Variants in CAMK2G observed in about 807,000 individuals in gnomAD.
CAMK2G encodes calcium/calmodulin-dependent protein kinase type II subunit gamma.
Under a neutral mutation model 88.7 loss-of-function variants are expected in CAMK2G, and 23 were observed. The ratio of observed to expected loss-of-function variants is 0.26; its 90% CI spans 0.19 to 0.37. The LOEUF (loss-of-function observed/expected upper bound fraction) is 0.37. Ranked by LOEUF, CAMK2G falls within the 10% of genes least tolerant of loss-of-function variation. The pLI, the probability that CAMK2G is intolerant of heterozygous loss-of-function variation, is 1.00. For missense variants in CAMK2G, 476 were observed against 780.8 expected (o/e 0.61, Z 4.65); for synonymous variants, 263 against 294.8 (o/e 0.89, Z 1.11).
At chr10:73,836,330 C>T (rs1249166735) in intron 14 of CAMK2G, among the ~76,000 whole-genome samples, 1 of 152,178 alleles carries the variant, frequency 6.6e-6, no homozygotes, top group African/African-American at 2.4e-5. Context: ...GCCACACCCC[C>T]TCTTACACCT....
At position 73,847,979 on chromosome 10, in the gene CAMK2G, G is replaced by A; in HGVS notation, c.696+9C>T. The A allele has an allele frequency of 6.4e-7, 1 of 1,570,610 alleles. No homozygotes were observed. The highest frequency in any genetic ancestry group is 8.8e-7 in the Non-Finnish European group (1 of 1,140,908). On this transcript the variant is annotated intron_variant, in intron 9 of 22. Coordinates refer to ENST00000423381, the MANE Select transcript of CAMK2G (RefSeq NM_001367534.1). ...TCCTGGCCTGGCTGCCCGGCTCTCTGGTCCTTACATCATAGGCTCCAGCCT... is the reference window on the plus strand; with the variant it reads ...TCCTGGCCTGGCTGCCCGGCTCTCTAGTCCTTACATCATAGGCTCCAGCCT...
chr10:73,855,904 C>T (rs1045343565), intron 3 of CAMK2G, among the ~76,000 whole-genome samples: 9 of 152,002 alleles, frequency 5.9e-5, no homozygotes, highest in African/African-American at 1.9e-4. Context: ...ATGACTGTGC[C>T]ATTCTAAGTG....
chr10:73,817,121 C>T lies in CAMK2G; in HGVS notation c.1440-4G>A, dbSNP rs773765521. 1 of 1,587,462 alleles carries T rather than the reference C, an allele frequency of 6.3e-7. No individual in the cohort carries two copies. The highest frequency in any genetic ancestry group is 8.5e-7 in the Non-Finnish European group (1 of 1,171,506). The stretch of plus-strand genomic sequence containing the variant: ...GAGGCCTGGATCACAAATCTTCCTA[C>T]AGGGAGAAAAAAAAAAGCAGCCTAT... On this transcript the variant is annotated splice_region_variant and splice_polypyrimidine_tract_variant and intron_variant, in intron 20 of 22. Transcript: ENST00000423381.
Position 73,852,267 on chromosome 10 carries a change from C to T in CAMK2G, c.328G>A (p.Glu110Lys). Residue 110 changes from glutamate (E) to lysine (K), a missense_variant, in exon 5 of 23, where the codon GAA (glutamate) becomes AAA (lysine). Coordinates refer to ENST00000423381, the MANE Select transcript of CAMK2G (RefSeq NM_001367534.1). ...EDIVAREYYSEADASHCIHQI... is the reference protein window; with the variant it reads ...EDIVAREYYSKADASHCIHQI... ...CCCTCATCCTACCTGGCATCTGCTT[C>T]ACTGTAGTACTCTCTGGCCACAATG... 6.2e-7 allele frequency: 1 copy of T among 1,613,926 alleles called. No homozygotes were observed. The highest frequency in any genetic ancestry group is 8.5e-7 in the Non-Finnish European group (1 of 1,179,822).
At position 73,848,871 on chromosome 10, in the gene CAMK2G, T is replaced by C. The variant is rs533387856; in HGVS notation, c.517+142A>G. 31 of 714,712 alleles carry C rather than the reference T, an allele frequency of 4.3e-5. No individual in the cohort carries two copies. In the South Asian group the frequency reaches 4.5e-4, roughly 10 times the overall value. 44.3% of individuals were successfully genotyped at this position (714,712 alleles called of 1,614,324 possible). On this transcript the variant is annotated intron_variant, in intron 7 of 22. Coordinates refer to ENST00000423381, the MANE Select transcript of CAMK2G (RefSeq NM_001367534.1). The surrounding 1 kb of genome is among the most constrained non-coding windows in gnomAD (Gnocchi z 4.5). ...CAGTGCTGACAACAGCTAGACTTACTGTACTGAGTCGCGTACGGCCAAGAG... is the reference window on the plus strand; with the variant it reads ...CAGTGCTGACAACAGCTAGACTTACCGTACTGAGTCGCGTACGGCCAAGAG...
rs1307624443 is a variant in CAMK2G at position 73,832,136 on chromosome 10, C to T, written c.1054-4015G>A. On this transcript the variant is annotated intron_variant, in intron 14 of 22. Transcript: ENST00000423381. ...CAATCTAGATGAAAAATATAGAATA[C>T]AGAAAAATGTGTAAGAAAAAAAGTT... 2.0e-5 allele frequency among the ~76,000 whole-genome samples: 3 copies of T among 151,852 alleles called. No homozygotes were observed. In the East Asian group the frequency reaches 5.8e-4, roughly 29 times the overall value.
intron 2 of CAMK2G, 23 bp downstream of exon 2, chr10:73,872,966 A>G: frequency 6.8e-7 from 1 of 1,478,570 alleles, no homozygotes; most frequent in Non-Finnish European, 9.5e-7. Flanking sequence ...CCTCAGGAAG[A>G]GGTCAAGACA....
chr10:73,825,326 T>G lies in CAMK2G; in HGVS notation c.1108A>C (p.Ser370Arg). 1.2e-6 allele frequency: 2 copies of G among 1,613,962 alleles called. No individual in the cohort carries two copies. The highest frequency in any genetic ancestry group is 1.7e-6 in the Non-Finnish European group (2 of 1,179,816). Residue 370 changes from serine (S) to arginine (R), a missense_variant, in exon 16 of 23, where the codon AGT becomes CGT. Ser to Arg is a moderately radical substitution (Grantham distance 110). Coordinates refer to ENST00000423381, the MANE Select transcript of CAMK2G (RefSeq NM_001367534.1). ...GGCTCTTGGGCTGGGCTTACGAGAC[T>G]GTTTTTGTTGTTGCTCTGTGGCTGA... Reference protein sequence around the residue: ...HLMPQSNNKNSLVSPAQEPAP... With the variant: ...HLMPQSNNKNRLVSPAQEPAP...
intron 19 of CAMK2G, chr10:73,818,545 G>A (rs750473833): frequency 1.6e-5 from 6 of 386,800 alleles, no homozygotes; most frequent in Non-Finnish European, 1.6e-5. Flanking sequence ...GCAAGCGTTA[G>A]AACAGCACCA....
chr10:73,855,139 C>A (rs2094932451), intron 3 of CAMK2G, among the ~76,000 whole-genome samples: 1 of 152,128 alleles, frequency 6.6e-6, no homozygotes, highest in African/African-American at 2.4e-5. Context: ...TTAGCCTGGG[C>A]ACACTCCATA....
At chr10:73,826,549 T>C (rs1474272875) in intron 15 of CAMK2G, among the ~76,000 whole-genome samples, 1 of 152,168 alleles carries the variant, frequency 6.6e-6, no homozygotes, top group Non-Finnish European at 1.5e-5. Flanking sequence ...GGGAGCCATA[T>C]CCATGTGATG....
intron 17 of CAMK2G, among the ~76,000 whole-genome samples, chr10:73,822,601 G>A (rs1338074083): frequency 6.6e-6 from 1 of 152,106 alleles, no homozygotes; most frequent in Non-Finnish European, 1.5e-5. Flanking sequence ...AAGGGCCTCT[G>A]TAGCAGGCCC....
At chr10:73,816,105 A>C in intron 21 of CAMK2G, 1 of 985,584 alleles carries the variant, frequency 1.0e-6, no homozygotes, top group Non-Finnish European at 1.2e-6. Context: ...GGCCCAGCAT[A>C]AAGTGGGAAG....
At chr10:73,855,942 T>C (rs1168428920) in intron 3 of CAMK2G, among the ~76,000 whole-genome samples, 1 of 152,122 alleles carries the variant, frequency 6.6e-6, no homozygotes, top group Non-Finnish European at 1.5e-5. Flanking sequence ...GATTCATTAT[T>C]TCTTTTTTTT....
chr10:73,816,912 G>A (rs574340990), intron 21 of CAMK2G, 111 bp downstream of exon 21: 134 of 1,610,622 alleles, frequency 8.3e-5, no homozygotes, highest in African/African-American at 3.7e-4. Flanking sequence ...AGTGCAGCAC[G>A]AAGGTCAAAT....
chr10:73,852,453 A>T, intron 4 of CAMK2G, 134 bp from the exon 5 acceptor site: 2 of 701,934 alleles, frequency 2.8e-6, no homozygotes, highest in South Asian at 3.3e-5. Context: ...TTCATCTGAG[A>T]GCTCAGAACA....
chr10:73,815,034 G>A lies in CAMK2G; in HGVS notation c.1748C>T (p.Pro583Leu), dbSNP rs546792916. ...CTGAGCTCACTGCAGCGGTGCGGCA[G>A]GGGCCCCTGAGCAGTGATAGTGGAC... Reference protein sequence around the residue: ...LNVHYHCSGAPAAPLQ With the variant: ...LNVHYHCSGALAAPLQ The change falls in exon 22 of 23, where the codon CCT becomes CTT. Residue 583 changes from proline to leucine, a missense_variant. By Grantham distance (98) the Pro-to-Leu change is moderately conservative. This residue lies in a region of CAMK2G where 278 missense variants were observed against 366.5 expected (regional missense o/e 0.76). Transcript: ENST00000423381. 2 of 1,613,520 alleles carry A rather than the reference G, an allele frequency of 1.2e-6. No individual in the cohort carries two copies. Among genetic ancestry groups the A allele is most frequent in the African/African-American group, 2.7e-5 (2 of 75,034 alleles).
At position 73,848,908 on chromosome 10, in the gene CAMK2G, G is replaced by A. The variant is rs1028941275; in HGVS notation, c.517+105C>T. On this transcript the variant is annotated intron_variant, in intron 7 of 22. Coordinates refer to ENST00000423381, the MANE Select transcript of CAMK2G (RefSeq NM_001367534.1). The surrounding 1 kb of genome is among the most constrained non-coding windows in gnomAD (Gnocchi z 4.5). ...CGTACGGCCAAGAGAGATCTCGGAGGCCAGGACCATTAAGGGTCTGGCTTC... is the reference window on the plus strand; with the variant it reads ...CGTACGGCCAAGAGAGATCTCGGAGACCAGGACCATTAAGGGTCTGGCTTC... The A allele has an allele frequency of 3.7e-5, 30 of 806,866 alleles. No individual in the cohort carries two copies. Among genetic ancestry groups the A allele is most frequent in the Admixed American group, 1.7e-4 (10 of 58,258 alleles). The allele number at this position is 806,866 out of a possible 1,614,324, so 50.0% of individuals were successfully genotyped here.
rs1023320568 is a variant in CAMK2G at position 73,849,580 on chromosome 10, C to A, written c.342-247G>T. Among the ~76,000 whole-genome samples the A allele has an allele frequency of 2.0e-5, 3 of 152,154 alleles. No homozygotes were observed. The East Asian group carries it at 5.8e-4, about 29-fold the overall frequency. ...CACCGCTAGAACGGGTTCCTCTCAC[C>A]CCCTTTTGACTGGAAAGGTCTAACA... On this transcript the variant is annotated intron_variant, in intron 5 of 22. Transcript: ENST00000423381.
Sources: allele counts gnomAD v4.1 joint callset (sites outside exome capture counted in the v4.1 genomes callset), GRCh38; gene constraint gnomAD v4.1.1; regional missense constraint gnomAD v4.1.1; non-coding constraint Gnocchi (gnomAD v3.1); transcripts MANE v1.5; gene names NCBI Gene and HGNC (gene_info 2026-07-23, HGNC 2026-07-21).